The following SERPINA4 variants were observed in gnomAD, a reference collection of about 807,000 sequenced individuals.
The protein encoded by SERPINA4 is kallistatin.
SERPINA4 carries 24 observed loss-of-function variants against 25.4 expected under a neutral mutation model. The observed-to-expected ratio is 0.95, with a 90% CI of 0.69 to 1.33. The LOEUF (loss-of-function observed/expected upper bound fraction) is 1.33. Ranked by LOEUF, SERPINA4 falls within the 40% of genes most tolerant of loss-of-function variation. SERPINA4 has a pLI of 0.00. For synonymous variants in SERPINA4, 242 were observed against 223.6 expected (o/e 1.08, Z -0.73); for missense variants, 553 against 535.8 (o/e 1.03, Z -0.32).
intron 3 of SERPINA4, 133 bp downstream of exon 3, chr14:94,567,376 C>A: frequency 2.1e-6 from 2 of 956,740 alleles, no homozygotes; most frequent in Non-Finnish European, 3.0e-6. Flanking sequence ...TGAGAACTTC[C>A]ATGGGCTTCC....
intron 1 of SERPINA4, chr14:94,561,890 C>A: frequency 7.8e-7 from 1 of 1,288,192 alleles, no homozygotes; most frequent in Non-Finnish European, 1.0e-6. Context: ...ATGATCCCTC[C>A]AACTGCTGAG....
chr14:94,568,005 T>A (rs2070777), intron 3 of SERPINA4, 124 bp from the exon 4 acceptor site: 349,599 of 920,980 alleles, frequency 0.38, 68,632 homozygotes, highest in African/African-American at 0.52. Flanking sequence ...GAGCCGAAGC[T>A]GTTTGTGGGG....
At chr14:94,566,783 C>T (rs1484709212) in intron 2 of SERPINA4, among the ~76,000 whole-genome samples, 187 bp from the exon 3 acceptor site, 1 of 152,204 alleles carries the variant, frequency 6.6e-6, no homozygotes, top group Non-Finnish European at 1.5e-5. Flanking sequence ...TTAAATGAGG[C>T]CTAAAGGATC....
At position 94,567,239 on chromosome 14, in the gene SERPINA4, A is replaced by C. The variant is rs769557048; in HGVS notation, c.919A>C (p.Lys307Gln). 12 of 1,612,824 alleles carry C rather than the reference A, an allele frequency of 7.4e-6. No homozygotes were observed. The highest frequency in any genetic ancestry group is 1.3e-5 in the African/African-American group (1 of 74,914). ...AATGAGGTGGAACAACTTGTTGCGGAAGAGGTAATCAGTGTGCTATGGGGG... is the reference window on the plus strand; with the variant it reads ...AATGAGGTGGAACAACTTGTTGCGGCAGAGGTAATCAGTGTGCTATGGGGG... ...MLMRWNNLLRKRNFYKKLELH... is the reference protein window; with the variant it reads ...MLMRWNNLLRQRNFYKKLELH... Residue 307 changes from lysine (K) to glutamine (Q), a missense_variant, in exon 3 of 5, where the codon AAG (lysine) becomes CAG (glutamine). Physicochemically the swap from Lys to Gln is moderately conservative, Grantham distance 53. Coordinates refer to ENST00000557004, the MANE Select transcript of SERPINA4 (RefSeq NM_006215.4).
intron 4 of SERPINA4, among the ~76,000 whole-genome samples, chr14:94,568,566 G>C (rs922343233): frequency 6.6e-6 from 1 of 152,284 alleles, no homozygotes; most frequent in African/African-American, 2.4e-5. Flanking sequence ...ATAGAAAATG[G>C]AGGAGGGGCC....
rs1220734872 is a variant in SERPINA4, at chr14:94,568,223, G to A, written c.1018G>A (p.Asp340Asn). ...GATTTTGCCCAGGCTGGGCTTCACG[G>A]ATCTGTTCTCCAAGTGGGCTGACTT... The part of the protein sequence containing the change: ...DQILPRLGFT[D>N]LFSKWADLSG... The change falls in exon 4 of 5, where the codon GAT becomes AAT. Residue 340 changes from aspartate to asparagine, a missense_variant. Coordinates refer to ENST00000557004, the MANE Select transcript of SERPINA4 (RefSeq NM_006215.4). 6.2e-7 allele frequency: 1 copy of A among 1,614,180 alleles called. No homozygotes were observed. The highest frequency in any genetic ancestry group is 1.3e-5 in the African/African-American group (1 of 75,046).
Position 94,565,622 on chromosome 14 carries a change from T to C in SERPINA4, c.650-1348T>C, listed in dbSNP as rs147323244. Among the ~76,000 whole-genome samples the C allele has an allele frequency of 5.4e-3, 809 of 150,614 alleles. 6 individuals are homozygous for C. Among genetic ancestry groups the C allele is most frequent in the African/African-American group, 0.019 (774 of 40,866 alleles). On this transcript the variant is annotated intron_variant, in intron 2 of 4. Transcript: ENST00000557004. ...CAGCACTTTGGGAGGCCAAGGCAGGTGGATATTGAAATCAGAAGTTCAAGA... is the reference window on the plus strand; with the variant it reads ...CAGCACTTTGGGAGGCCAAGGCAGGCGGATATTGAAATCAGAAGTTCAAGA...
rs1229303228 is a variant in SERPINA4, at chr14:94,561,482, G to A, written c.-30G>A. The A allele has an allele frequency of 2.5e-6, 1 of 403,548 alleles. No individual in the cohort carries two copies. Among genetic ancestry groups the A allele is most frequent in the Non-Finnish European group, 4.4e-6 (1 of 225,914 alleles). 25.0% of individuals were successfully genotyped at this position (403,548 alleles called of 1,614,324 possible). ...CAGCCACCCAGGGGGTCCACTCCAG[G>A]ACAGACTGTGCCGTGAGTAACCCCC... On this transcript the variant is annotated 5_prime_UTR_variant, in exon 1 of 5. Transcript: ENST00000557004.
chr14:94,566,856 C>G (rs573746525), intron 2 of SERPINA4, 114 bp from the exon 3 acceptor site: 1 of 1,249,170 alleles, frequency 8.0e-7, no homozygotes, highest in Non-Finnish European at 1.1e-6. Context: ...GCTCATAGGG[C>G]AGGATCTGGA....
At chr14:94,567,986 A>T in intron 3 of SERPINA4, 143 bp from the exon 4 acceptor site, 1 of 758,030 alleles carries the variant, frequency 1.3e-6, no homozygotes, top group Non-Finnish European at 2.2e-6. Flanking sequence ...CATTTGTGGG[A>T]GGTGGTCTGA....
chr14:94,562,595 C>A (rs1254125800), intron 1 of SERPINA4, among the ~76,000 whole-genome samples: 1 of 152,002 alleles, frequency 6.6e-6, no homozygotes, highest in Non-Finnish European at 1.5e-5. Flanking sequence ...AGAGTGAGAC[C>A]CTGTCTCAAA....
At position 94,567,006 on chromosome 14, in the gene SERPINA4, C is replaced by G; in HGVS notation, c.686C>G (p.Thr229Ser). The G allele has an allele frequency of 6.2e-7, 1 of 1,614,198 alleles. No homozygotes were observed. Among genetic ancestry groups the G allele is most frequent in the Non-Finnish European group, 8.5e-7 (1 of 1,180,030 alleles). ...AAACCATTCATTTCCTCAAGGACCA[C>G]TCCCAAAGACTTCTATGTTGATGAG... is the stretch of plus-strand genomic sequence containing the variant. ...WEKPFISSRT[T>S]PKDFYVDENT... is the part of the protein sequence containing the mutation. The change falls in exon 3 of 5, where the codon ACT (threonine) becomes AGT (serine). Residue 229 changes from threonine to serine, a missense_variant. Physicochemically the swap from Thr to Ser is moderately conservative, Grantham distance 58. Coordinates refer to ENST00000557004, the MANE Select transcript of SERPINA4 (RefSeq NM_006215.4).
At chr14:94,565,092 G>A (rs1476214943) in intron 2 of SERPINA4, among the ~76,000 whole-genome samples, 10 of 152,150 alleles carry the variant, frequency 6.6e-5, no homozygotes, top group Admixed American at 2.6e-4. Context: ...ACACAATTGC[G>A]ACTGGGAAAG....
chr14:94,566,026 C>T (rs767224371), intron 2 of SERPINA4, among the ~76,000 whole-genome samples: 17 of 152,312 alleles, frequency 1.1e-4, no homozygotes, highest in Middle Eastern at 3.4e-3. Flanking sequence ...TTAGTCCATT[C>T]ACCCTACCTG....
chr14:94,569,673 G>A lies in SERPINA4; in HGVS notation c.*78G>A. The A allele has an allele frequency of 6.7e-7, 1 of 1,498,554 alleles. No homozygotes were observed. Among genetic ancestry groups the A allele is most frequent in the Non-Finnish European group, 9.2e-7 (1 of 1,083,752 alleles). 92.8% of individuals were successfully genotyped at this position (1,498,554 alleles called of 1,614,324 possible). ...CTGGGAGTGAGTAGCTCTGTGTTTA[G>A]AGTTGGGGACAAGGATGACACCGAA... On this transcript the variant is annotated 3_prime_UTR_variant, in exon 5 of 5. Transcript: ENST00000557004.
In SERPINA4 at chr14:94,569,695, C is replaced by A; in HGVS notation, c.*100C>A. Reference sequence around the variant, plus strand: ...TTAGAGTTGGGGACAAGGATGACACCGAAGGTCCAGGAGTCCAGGACAGCA... The same window carrying A: ...TTAGAGTTGGGGACAAGGATGACACAGAAGGTCCAGGAGTCCAGGACAGCA... On this transcript the variant is annotated 3_prime_UTR_variant, in exon 5 of 5. Transcript: ENST00000557004. 6.0e-6 allele frequency: 8 copies of A among 1,344,110 alleles called. No individual in the cohort carries two copies. Among genetic ancestry groups the A allele is most frequent in the Non-Finnish European group, 8.3e-6 (8 of 963,118 alleles). 83.3% of individuals were successfully genotyped at this position (1,344,110 alleles called of 1,614,324 possible).
intron 4 of SERPINA4, 37 bp from the exon 5 acceptor site, chr14:94,569,358 G>T (rs1446149172): frequency 1.2e-6 from 2 of 1,600,948 alleles, no homozygotes; most frequent in Admixed American, 1.7e-5. Context: ...CCCCTCTCTT[G>T]CTGGCTTGGA....
chr14:94,562,415 TA>T (rs1404442855), intron 1 of SERPINA4, among the ~76,000 whole-genome samples: 6 of 152,084 alleles, frequency 3.9e-5, no homozygotes, highest in Non-Finnish European at 5.9e-5. Flanking sequence ...CCCAACTCTA[TA>T]AAAAATTAGC....
In SERPINA4 at chr14:94,568,217, T is replaced by C. The variant is rs1902281656; in HGVS notation, c.1012T>C (p.Phe338Leu). 6.2e-7 allele frequency: 1 copy of C among 1,614,248 alleles called. No homozygotes were observed. The highest frequency in any genetic ancestry group is 8.5e-7 in the Non-Finnish European group (1 of 1,180,040). The change falls in exon 4 of 5, where the codon TTC (phenylalanine) becomes CTC (leucine). Residue 338 changes from phenylalanine to leucine, a missense_variant. By Grantham distance (22) the Phe-to-Leu change is conservative. Coordinates refer to ENST00000557004, the MANE Select transcript of SERPINA4 (RefSeq NM_006215.4). ...VLDQILPRLG[F>L]TDLFSKWADL... is the part of the protein sequence containing the mutation. ...AGATCAGATTTTGCCCAGGCTGGGC[T>C]TCACGGATCTGTTCTCCAAGTGGGC...
Sources: allele counts gnomAD v4.1 joint callset (sites outside exome capture counted in the v4.1 genomes callset), GRCh38; gene constraint gnomAD v4.1.1; transcripts MANE v1.5; gene names NCBI Gene and HGNC (gene_info 2026-07-23, HGNC 2026-07-21).